Variants in VAV1 observed in about 807,000 individuals in gnomAD.
VAV1 encodes the protein vav guanine nucleotide exchange factor 1, also known as proto-oncogene vav.
VAV1 carries 33 observed loss-of-function variants against 128.1 expected under a neutral mutation model. That is an observed-to-expected ratio of 0.26 (90% CI 0.20 to 0.34). The LOEUF (loss-of-function observed/expected upper bound fraction) is 0.34. Ranked by LOEUF, VAV1 falls within the 10% of genes least tolerant of loss-of-function variation. The probability of loss-of-function intolerance (pLI) is 1.00; values close to 1 mark genes in which losing one functional copy is unlikely to be tolerated. For missense variants in VAV1, 715 were observed against 1,093.7 expected, an observed-to-expected ratio of 0.65 and a Z score of 4.88; for synonymous variants, 394 against 409.8, an observed-to-expected ratio of 0.96 and a Z score of 0.47.
At chr19:6,817,684 T>A (rs545917989) in intron 1 of VAV1, among the ~76,000 whole-genome samples, 27 of 151,712 alleles carry the variant, frequency 1.8e-4, no homozygotes, top group Non-Finnish European at 3.8e-4. Flanking sequence ...TTTAATTAAT[T>A]TATGTATATA....
rs750007730 is a variant in VAV1, at chr19:6,828,727, G to A, written c.1179+19G>A. Reference sequence around the variant, plus strand: ...GAACCTGGTGAGGCGGTGGAGCCGGGTGGGCCAGGGGTGTGGCCACGTGGG... The same window carrying A: ...GAACCTGGTGAGGCGGTGGAGCCGGATGGGCCAGGGGTGTGGCCACGTGGG... On this transcript the variant is annotated intron_variant, in intron 12 of 26. Transcript: ENST00000602142. This position sits in a 1 kb window ranked among gnomAD's most constrained non-coding sequence, Gnocchi z 4.5. The A allele has an allele frequency of 6.2e-7, 1 of 1,614,166 alleles. No homozygotes were observed. Among genetic ancestry groups the A allele is most frequent in the East Asian group, 2.2e-5 (1 of 44,886 alleles).
intron 26 of VAV1, among the ~76,000 whole-genome samples, chr19:6,855,837 CTATCT>C (rs1972784976): frequency 1.3e-5 from 2 of 149,454 alleles, no homozygotes; most frequent in Non-Finnish European, 3.0e-5. Context: ...ATCTATCTAT[CTATCT>C]ATCCATTCAT....
chr19:6,819,861 A>G (rs927809260), intron 1 of VAV1, among the ~76,000 whole-genome samples: 1 of 152,210 alleles, frequency 6.6e-6, no homozygotes, highest in Non-Finnish European at 1.5e-5. Flanking sequence ...CAAGAATACA[A>G]AGGTTTCTTT....
In VAV1 at chr19:6,828,392, T is replaced by C. The variant is rs1212087666; in HGVS notation, c.1024-27T>C. The C allele has an allele frequency of 1.2e-6, 2 of 1,613,788 alleles. No individual in the cohort carries two copies. Among genetic ancestry groups the C allele is most frequent in the Non-Finnish European group, 1.7e-6 (2 of 1,179,940 alleles). On this transcript the variant is annotated intron_variant, in intron 10 of 26. Coordinates refer to ENST00000602142, the MANE Select transcript of VAV1 (RefSeq NM_005428.4). The surrounding 1 kb of genome is among the most constrained non-coding windows in gnomAD (Gnocchi z 4.5). ...GCAGGGAGAAGGGGAGGGGCCCAGG[T>C]GACGTCTGACGTCTTGGTTCTCTCA...
rs538842453 is a variant in VAV1 at position 6,820,110 on chromosome 19, G to A, written c.205-592G>A. Among the ~76,000 whole-genome samples, 7 of 152,304 alleles carry A rather than the reference G, an allele frequency of 4.6e-5. No individual in the cohort carries two copies. In the South Asian group the frequency reaches 1.4e-3, roughly 32 times the overall value. On this transcript the variant is annotated intron_variant, in intron 1 of 26. Coordinates refer to ENST00000602142, the MANE Select transcript of VAV1 (RefSeq NM_005428.4). The surrounding 1 kb of genome is among the most constrained non-coding windows in gnomAD (Gnocchi z 4.4). ...AAGGTGGGCAGATTCCTCAAGTCCA[G>A]GAATTCAAGACCAGCCTGGGCAACA...
chr19:6,822,932 T>C lies in VAV1; in HGVS notation c.654+418T>C, dbSNP rs977013927. On this transcript the variant is annotated intron_variant, in intron 6 of 26. Transcript: ENST00000602142. The surrounding 1 kb of genome is among the most constrained non-coding windows in gnomAD (Gnocchi z 5.9). ...TATTTATAAGATATAAAATATATAGTTTTTCATATAGAGCTATATGTAAAT... is the reference window on the plus strand; with the variant it reads ...TATTTATAAGATATAAAATATATAGCTTTTCATATAGAGCTATATGTAAAT... 1.4e-5 allele frequency among the ~76,000 whole-genome samples: 2 copies of C among 147,216 alleles called. No homozygotes were observed. Among genetic ancestry groups the C allele is most frequent in the Non-Finnish European group, 3.0e-5 (2 of 66,940 alleles).
intron 26 of VAV1, among the ~76,000 whole-genome samples, chr19:6,856,189 C>G (rs1029235326): frequency 3.3e-5 from 5 of 151,978 alleles, no homozygotes; most frequent in Admixed American, 2.6e-4. Flanking sequence ...CCCAGGTACT[C>G]GTTAAGCTGA....
chr19:6,776,405 TATCCATCC>T lies in VAV1; in HGVS notation c.204+3428_204+3435del, dbSNP rs59104898. Reference sequence around the variant, plus strand: ...CCATCTACCCATCCACCCACCCATCTATCCATCCATCCATCCATCCATCCATCCATCCA... The same window carrying T: ...CCATCTACCCATCCACCCACCCATCTATCCATCCATCCATCCATCCATCCA... On this transcript the variant is annotated intron_variant, in intron 1 of 26. Transcript: ENST00000602142. 7.0e-3 allele frequency among the ~76,000 whole-genome samples: 615 copies of T among 87,702 alleles called. 17 individuals are homozygous for T. The South Asian group carries it at 0.079, about 11-fold the overall frequency. The allele number at this position is 87,702 out of a possible 152,430, so 57.5% of individuals were successfully genotyped here.
In VAV1 at chr19:6,795,490, T is replaced by G. The variant is rs144505599; in HGVS notation, c.204+22479T>G. On this transcript the variant is annotated intron_variant, in intron 1 of 26. Transcript: ENST00000602142. ...TTCTTTTATTTATTTATTTATTTATTTATTGAATTAATTTTATTTATAACT... is the reference window on the plus strand; with the variant it reads ...TTCTTTTATTTATTTATTTATTTATGTATTGAATTAATTTTATTTATAACT... Among the ~76,000 whole-genome samples, 80 of 152,156 alleles carry G rather than the reference T, an allele frequency of 5.3e-4. No individual in the cohort carries two copies. The Middle Eastern group carries it at 0.014, about 26-fold the overall frequency.
chr19:6,814,606 A>G (rs1971580387), intron 1 of VAV1, among the ~76,000 whole-genome samples: 1 of 151,316 alleles, frequency 6.6e-6, no homozygotes, highest in Non-Finnish European at 1.5e-5. Flanking sequence ...TTCTGCAAAA[A>G]TGACTTTCTT....
intron 1 of VAV1, among the ~76,000 whole-genome samples, chr19:6,780,262 A>C (rs1970742056): frequency 6.7e-6 from 1 of 150,288 alleles, no homozygotes; most frequent in Non-Finnish European, 1.5e-5. Flanking sequence ...GAGGATGCTA[A>C]ATCCCTATTT....
At chr19:6,814,403 A>G (rs1292304187) in intron 1 of VAV1, among the ~76,000 whole-genome samples, 4 of 152,006 alleles carry the variant, frequency 2.6e-5, no homozygotes, top group African/African-American at 9.7e-5. Context: ...GATTTCTATC[A>G]TCATAGGTTA....
chr19:6,782,276 GCCAAGAT>G (rs1240282197), intron 1 of VAV1, among the ~76,000 whole-genome samples: 2 of 151,862 alleles, frequency 1.3e-5, no homozygotes, highest in East Asian at 3.9e-4. Context: ...GTTGTAGTGA[GCCAAGAT>G]TGCACCACTG....
At position 6,828,412 on chromosome 19, in the gene VAV1, C is replaced by G; in HGVS notation, c.1024-7C>G. 4.3e-6 allele frequency: 7 copies of G among 1,613,642 alleles called. No individual in the cohort carries two copies. Among genetic ancestry groups the G allele is most frequent in the Non-Finnish European group, 5.9e-6 (7 of 1,180,030 alleles). ...CCAGGTGACGTCTGACGTCTTGGTT[C>G]TCTCAGGAGCTGGTGAAACACACGC... On this transcript the variant is annotated splice_polypyrimidine_tract_variant and splice_region_variant and intron_variant, in intron 10 of 26. Transcript: ENST00000602142. This position sits in a 1 kb window ranked among gnomAD's most constrained non-coding sequence, Gnocchi z 4.5.
At chr19:6,832,880 A>G (rs887178496) in intron 15 of VAV1, among the ~76,000 whole-genome samples, 1 of 152,176 alleles carries the variant, frequency 6.6e-6, no homozygotes, top group Non-Finnish European at 1.5e-5. Flanking sequence ...TTGTGCAACC[A>G]TCACCTCTAT....
intron 1 of VAV1, among the ~76,000 whole-genome samples, chr19:6,774,703 G>C (rs577597646): frequency 2.0e-5 from 3 of 151,840 alleles, no homozygotes; most frequent in African/African-American, 7.2e-5. Context: ...CCAAAGTGCT[G>C]GAATTACAGG....
chr19:6,835,214 TACACACACACACACAC>T (rs59124872), intron 19 of VAV1, among the ~76,000 whole-genome samples: 5 of 145,356 alleles, frequency 3.4e-5, no homozygotes, highest in Admixed American at 1.4e-4. Context: ...TATATATACA[TACACACACACACACAC>T]ACACACACAC....
chr19:6,847,163 C>T (rs1192609159), intron 22 of VAV1, among the ~76,000 whole-genome samples: 3 of 152,178 alleles, frequency 2.0e-5, no homozygotes, highest in East Asian at 1.9e-4. Context: ...TCGCCCACCT[C>T]GGCCTCCCAA....
At chr19:6,833,104 A>G in intron 15 of VAV1, 80 bp from the exon 16 acceptor site, 2 of 1,246,412 alleles carry the variant, frequency 1.6e-6, no homozygotes, top group South Asian at 1.5e-5. Flanking sequence ...GTCTGTTCAT[A>G]CCATGGAATA....
Sources: gnomAD v4.1 joint callset for allele counts (sites outside exome capture counted in the v4.1 genomes callset) on GRCh38, gnomAD v4.1.1 for gene constraint, Gnocchi (gnomAD v3.1) non-coding constraint, MANE v1.5 for transcripts, NCBI Gene and HGNC (gene_info 2026-07-23, HGNC 2026-07-21) for gene names.